Variants in SH3BGRL2 observed in about 807,000 individuals in gnomAD.
SH3BGRL2 encodes SH3 domain binding glutamate rich protein like 2, also known as SH3 domain-binding glutamic acid-rich-like protein 2.
SH3BGRL2 carries 21 observed loss-of-function variants against 14.8 expected under a neutral mutation model. The ratio of observed to expected loss-of-function variants is 1.42; its 90% CI spans 1.01 to 2.05. SH3BGRL2 has a LOEUF of 2.05. SH3BGRL2 is among the 30% of genes most tolerant of loss of function. The pLI is 0.00. For synonymous variants in SH3BGRL2, 50 were observed against 47.8 expected (o/e 1.05, Z -0.19); for missense variants, 147 against 130.8 (o/e 1.12, Z -0.61).
At chr6:79,549,012 A>G in the SH3BGRL2 span, among the ~76,000 whole-genome samples, 1 of 151,914 alleles carries the variant, frequency 6.6e-6, no homozygotes, top group Non-Finnish European at 1.5e-5. Context: ...AAACCAAGCA[A>G]TGGCCATATA....
At chr6:79,625,225 TATATATATACAC>T in the SH3BGRL2 span, among the ~76,000 whole-genome samples, 4 of 137,656 alleles carry the variant, frequency 2.9e-5, no homozygotes, top group Admixed American at 7.5e-5. Context: ...TACACACACA[TATATATATACAC>T]ATATATATAT....
chr6:79,690,095 G>T (rs1030091844), intron 2 of SH3BGRL2, among the ~76,000 whole-genome samples: 1 of 152,010 alleles, frequency 6.6e-6, no homozygotes, highest in South Asian at 2.1e-4. Context: ...GGGCTCAGTT[G>T]GTCCTCTCAC....
chr6:79,633,640 G>C (rs562608647), intron 1 of SH3BGRL2, among the ~76,000 whole-genome samples: 7 of 152,224 alleles, frequency 4.6e-5, no homozygotes, highest in Middle Eastern at 3.4e-3. Context: ...ATATTCTGCT[G>C]TTTGAAGACC....
rs1007762880 is a variant in SH3BGRL2, at chr6:79,694,781, T to C, written c.232-1704T>C. On this transcript the variant is annotated intron_variant, in intron 2 of 3. Coordinates refer to ENST00000369838, the MANE Select transcript of SH3BGRL2 (RefSeq NM_031469.4). ...CAAATCCACAACCAAGTATGATCAC[T>C]TCTACCCCCAAAATGTATCTGCAGC... Among the ~76,000 whole-genome samples the C allele has an allele frequency of 6.6e-5, 10 of 152,252 alleles. 1 individual carries two copies. The highest frequency in any genetic ancestry group is 2.4e-4 in the African/African-American group (10 of 41,554).
chr6:79,671,495 G>C (rs148783986), intron 1 of SH3BGRL2, among the ~76,000 whole-genome samples: 1 of 152,158 alleles, frequency 6.6e-6, no homozygotes, highest in African/African-American at 2.4e-5. Context: ...AGCAGTGACT[G>C]TTGGCCCACA....
At chr6:79,621,375 A>C in the SH3BGRL2 span, among the ~76,000 whole-genome samples, 1 of 152,160 alleles carries the variant, frequency 6.6e-6, no homozygotes, top group African/African-American at 2.4e-5. Context: ...TGCCCATATA[A>C]AAGAGACCTG....
At chr6:79,617,915 T>C in the SH3BGRL2 span, among the ~76,000 whole-genome samples, 1 of 152,198 alleles carries the variant, frequency 6.6e-6, no homozygotes, top group Admixed American at 6.5e-5. Context: ...GGTCCTTCCA[T>C]TGTAAAAGTA....
the SH3BGRL2 span, among the ~76,000 whole-genome samples, chr6:79,622,114 T>A: frequency 6.6e-6 from 1 of 152,152 alleles, no homozygotes; most frequent in South Asian, 2.1e-4. Flanking sequence ...TGTGAAAGAA[T>A]CAAATGTCAC....
At chr6:79,547,444 G>A in the SH3BGRL2 span, among the ~76,000 whole-genome samples, 5 of 152,110 alleles carry the variant, frequency 3.3e-5, no homozygotes, top group African/African-American at 9.7e-5. Context: ...CACTTGACCT[G>A]TCTGGAGGCC....
chr6:79,633,256 C>A (rs905119375), intron 1 of SH3BGRL2, among the ~76,000 whole-genome samples: 1 of 152,158 alleles, frequency 6.6e-6, no homozygotes, highest in Non-Finnish European at 1.5e-5. Context: ...GGTACCTCAT[C>A]TCTGCCTGAG....
chr6:79,629,410 G>A (rs1299649561), upstream of SH3BGRL2, among the ~76,000 whole-genome samples: 6 of 152,074 alleles, frequency 3.9e-5, no homozygotes, highest in Non-Finnish European at 5.9e-5. Context: ...TGGTCAGAGG[G>A]TTAGGCCCTG....
the SH3BGRL2 span, among the ~76,000 whole-genome samples, chr6:79,600,242 C>T: frequency 6.6e-6 from 1 of 152,202 alleles, no homozygotes; most frequent in African/African-American, 2.4e-5. Context: ...CTTACTTTCT[C>T]TAATGAATCT....
At chr6:79,591,788 A>G in the SH3BGRL2 span, among the ~76,000 whole-genome samples, 1 of 152,196 alleles carries the variant, frequency 6.6e-6, no homozygotes, top group Admixed American at 6.5e-5. Flanking sequence ...TGTATACTCC[A>G]CTTTATCCAA....
At chr6:79,581,900 C>G in the SH3BGRL2 span, among the ~76,000 whole-genome samples, 1 of 152,102 alleles carries the variant, frequency 6.6e-6, no homozygotes, top group Non-Finnish European at 1.5e-5. Flanking sequence ...CGTCTCAGTC[C>G]AAAATCTCCT....
the SH3BGRL2 span, among the ~76,000 whole-genome samples, chr6:79,616,308 A>G: frequency 2.6e-5 from 4 of 152,200 alleles, no homozygotes; most frequent in Non-Finnish European, 5.9e-5. Context: ...ACCCATTTGC[A>G]TTATAATCCT....
chr6:79,593,995 A>G, the SH3BGRL2 span, among the ~76,000 whole-genome samples: 6 of 149,804 alleles, frequency 4.0e-5, no homozygotes, highest in Non-Finnish European at 5.9e-5. Flanking sequence ...ACTGCACTCC[A>G]GCCTGGATGA....
the SH3BGRL2 span, among the ~76,000 whole-genome samples, chr6:79,586,995 T>TG: frequency 6.6e-6 from 1 of 152,210 alleles, no homozygotes; most frequent in Non-Finnish European, 1.5e-5. Context: ...GACTCAGTTC[T>TG]GGGGGGTAAT....
the SH3BGRL2 span, among the ~76,000 whole-genome samples, chr6:79,609,566 A>G: frequency 5.3e-5 from 8 of 152,164 alleles, no homozygotes; most frequent in African/African-American, 1.9e-4. Context: ...AGCATGGGTA[A>G]GTCAACAGAA....
chr6:79,591,881 A>T, the SH3BGRL2 span, among the ~76,000 whole-genome samples: 1 of 152,214 alleles, frequency 6.6e-6, no homozygotes, highest in Admixed American at 6.5e-5. Flanking sequence ...TACCTGTCTA[A>T]TCCTCACACT....
Sources: allele counts gnomAD v4.1 joint callset (sites outside exome capture counted in the v4.1 genomes callset), GRCh38; gene constraint gnomAD v4.1.1; transcripts MANE v1.5; gene names NCBI Gene and HGNC (gene_info 2026-07-23, HGNC 2026-07-21).